The following SORCS2 variants were observed in gnomAD, a reference collection of about 807,000 sequenced individuals.
The protein encoded by SORCS2 is sortilin related VPS10 domain containing receptor 2.
A neutral mutation model predicts 141.6 loss-of-function variants in SORCS2; 100 were observed. That is an observed-to-expected ratio of 0.71 (90% confidence interval 0.60 to 0.83). The LOEUF is 0.83. Among genes scored for constraint, SORCS2 ranks in the 40% least tolerant of loss-of-function variants. The pLI is 0.00. For synonymous variants in SORCS2, 789 were observed against 676.9 expected, an observed-to-expected ratio of 1.17 and a Z score of -2.57; for missense variants, 1,646 against 1,560.2, an observed-to-expected ratio of 1.05 and a Z score of -0.93.
At chr4:7,411,964 G>C (rs1396932622) in intron 2 of SORCS2, among the ~76,000 whole-genome samples, 1 of 152,170 alleles carries the variant, frequency 6.6e-6, no homozygotes, top group East Asian at 1.9e-4. Context: ...TCTGCTCCCA[G>C]CCCAGCACAC....
chr4:7,574,013 C>T (rs1450352864), intron 3 of SORCS2, among the ~76,000 whole-genome samples: 1 of 152,242 alleles, frequency 6.6e-6, no homozygotes, highest in East Asian at 1.9e-4. Flanking sequence ...GAAGGCAGCC[C>T]TTGTGCACCG....
At chr4:7,651,192 T>C (rs114736185) in intron 4 of SORCS2, among the ~76,000 whole-genome samples, 2,269 of 152,224 alleles carry the variant, frequency 0.015, 58 homozygotes, top group African/African-American at 0.052. Flanking sequence ...GAGTCTCCTG[T>C]TGTCCAGGAT....
At chr4:7,474,094 CTCTGT>C (rs1471009752) in intron 2 of SORCS2, among the ~76,000 whole-genome samples, 11 of 151,680 alleles carry the variant, frequency 7.3e-5, no homozygotes, top group African/African-American at 2.7e-4. Context: ...GAGCTGGGGA[CTCTGT>C]GGTTGTCTTT....
chr4:7,499,632 G>C (rs4632658), intron 2 of SORCS2, among the ~76,000 whole-genome samples: 29,514 of 151,964 alleles, frequency 0.19, 5,211 homozygotes, highest in African/African-American at 0.48. Flanking sequence ...CTCCAAGATG[G>C]AGAACCACAC....
chr4:7,654,061 C>T, intron 4 of SORCS2, 73 bp from the exon 5 acceptor site: 4 of 1,333,674 alleles, frequency 3.0e-6, no homozygotes, highest in East Asian at 5.0e-5. Context: ...GTGGTGAAGA[C>T]ATCACCCTCT....
chr4:7,321,314 T>C (rs1162832422), intron 1 of SORCS2, among the ~76,000 whole-genome samples: 1 of 152,218 alleles, frequency 6.6e-6, no homozygotes. Context: ...ATGGTGTATG[T>C]ATACCATATT....
intron 2 of SORCS2, among the ~76,000 whole-genome samples, chr4:7,416,730 A>ACG (rs1380287587): frequency 1.3e-5 from 2 of 150,022 alleles, no homozygotes; most frequent in Non-Finnish European, 3.0e-5. Context: ...ACTCAGACAC[A>ACG]CACGCATGCA....
chr4:7,671,342 G>GA (rs75071426), intron 8 of SORCS2, among the ~76,000 whole-genome samples: 52 of 147,802 alleles, frequency 3.5e-4, no homozygotes, highest in East Asian at 9.8e-4. Context: ...GCATTCAAAA[G>GA]AAAAAAAAAA....
At chr4:7,661,442 C>A in intron 5 of SORCS2, 58 bp from the exon 6 acceptor site, 1 of 1,535,320 alleles carries the variant, frequency 6.5e-7, no homozygotes, top group Non-Finnish European at 8.8e-7. Flanking sequence ...TGGGGAGCAG[C>A]TGGGGGACGG....
Position 7,482,516 on chromosome 4 carries a change from C to T in SORCS2, c.549-49014C>T, listed in dbSNP as rs1254911079. Among the ~76,000 whole-genome samples the T allele has an allele frequency of 2.9e-5, 2 of 68,898 alleles. 1 individual carries two copies. The highest frequency in any genetic ancestry group is 5.0e-5 in the Non-Finnish European group (2 of 39,690). The allele number at this position is 68,898 out of a possible 152,430, so 45.2% of individuals were successfully genotyped here. On this transcript the variant is annotated intron_variant, in intron 2 of 26. Transcript: ENST00000507866. ...GTATCCCCACCGCGGACACCCCTGA[C>T]GCTGTTCAGACCTGTATCCCCACTG...
At chr4:7,523,915 C>G (rs1168899039) in intron 2 of SORCS2, among the ~76,000 whole-genome samples, 1 of 152,222 alleles carries the variant, frequency 6.6e-6, no homozygotes, top group East Asian at 1.9e-4. Flanking sequence ...CTGGGGCTTC[C>G]CACTGGCCTC....
At chr4:7,338,447 A>G (rs369722638) in intron 1 of SORCS2, among the ~76,000 whole-genome samples, 7 of 83,668 alleles carry the variant, frequency 8.4e-5, no homozygotes, top group South Asian at 3.6e-4. Context: ...TGGATGGATG[A>G]ATGGCCTGCC....
intron 3 of SORCS2, among the ~76,000 whole-genome samples, chr4:7,594,435 G>T (rs546999019): frequency 2.2e-4 from 33 of 152,364 alleles, no homozygotes; most frequent in African/African-American, 7.2e-4. Flanking sequence ...GCCCGAGGAA[G>T]GGTAAGCTTC....
chr4:7,310,583 G>T (rs938847265), intron 1 of SORCS2: 1 of 154,206 alleles, frequency 6.5e-6, no homozygotes, highest in Admixed American at 6.5e-5. Flanking sequence ...AGGCCCCCTC[G>T]GACAGGATCA....
chr4:7,289,834 C>G (rs554537675), intron 1 of SORCS2, among the ~76,000 whole-genome samples: 1 of 152,296 alleles, frequency 6.6e-6, no homozygotes, highest in East Asian at 1.9e-4. Context: ...TGCGGCCCTT[C>G]CTCCCGAGAC....
At chr4:7,671,435 C>T (rs1328335383) in intron 8 of SORCS2, among the ~76,000 whole-genome samples, 1 of 151,750 alleles carries the variant, frequency 6.6e-6, no homozygotes, top group African/African-American at 2.4e-5. Context: ...CTTACAGAGG[C>T]TCAAAGAACT....
rs143435431 is a variant in SORCS2 at position 7,229,783 on chromosome 4, A to T, written c.480+36657A>T. On this transcript the variant is annotated intron_variant, in intron 1 of 26. Transcript: ENST00000507866. ...GTGCTCATGTATGAAGGAGATGAAG[A>T]TGGTCCAGTCTTCCAGTGTCTGGGC... Among the ~76,000 whole-genome samples, 126 of 150,522 alleles carry T rather than the reference A, an allele frequency of 8.4e-4. 1 individual carries two copies. The highest frequency in any genetic ancestry group is 2.7e-3 in the African/African-American group (111 of 40,894).
intron 2 of SORCS2, among the ~76,000 whole-genome samples, chr4:7,414,091 G>A (rs555433514): frequency 9.8e-5 from 15 of 152,318 alleles, no homozygotes; most frequent in Middle Eastern, 3.4e-3. Flanking sequence ...AGGAAAGCTC[G>A]ACAAGGCGAG....
intron 3 of SORCS2, among the ~76,000 whole-genome samples, chr4:7,557,240 T>G (rs181956845): frequency 6.6e-6 from 1 of 152,132 alleles, no homozygotes; most frequent in African/African-American, 2.4e-5. Context: ...CTTTCTCTTA[T>G]AGTGATCTTA....
Sources: gnomAD v4.1 joint callset for allele counts (sites outside exome capture counted in the v4.1 genomes callset) on GRCh38, gnomAD v4.1.1 for gene constraint, MANE v1.5 for transcripts, NCBI Gene and HGNC (gene_info 2026-07-23, HGNC 2026-07-21) for gene names.